VSNL1: variants seen among roughly 807,000 people sequenced by gnomAD.
VSNL1 encodes visinin-like protein 1.
A neutral mutation model predicts 20.4 loss-of-function variants in VSNL1; 6 were observed. The ratio of observed to expected loss-of-function variants is 0.29; its 90% CI spans 0.16 to 0.58. The LOEUF (loss-of-function observed/expected upper bound fraction) is 0.58. VSNL1 is among the 20% of genes least tolerant of loss of function. VSNL1 has a pLI of 0.90. For missense variants in VSNL1, 100 were observed against 234.5 expected (o/e 0.43, Z 3.75); for synonymous variants, 93 against 86.4 (o/e 1.08, Z -0.42).
intron 2 of VSNL1, among the ~76,000 whole-genome samples, chr2:17,613,975 G>C (rs1665152318): frequency 6.6e-6 from 1 of 152,216 alleles, no homozygotes; most frequent in South Asian, 2.1e-4. Context: ...CTTTGAAAGG[G>C]AAGTCCAGGA....
chr2:17,589,589 G>A (rs1246356305), intron 1 of VSNL1, among the ~76,000 whole-genome samples: 1 of 152,166 alleles, frequency 6.6e-6, no homozygotes, highest in Non-Finnish European at 1.5e-5. Context: ...CTGAGTGATG[G>A]TGCAGACCCA....
At chr2:17,550,512 A>G (rs1363132830) in intron 1 of VSNL1, among the ~76,000 whole-genome samples, 2 of 152,238 alleles carry the variant, frequency 1.3e-5, no homozygotes, top group African/African-American at 2.4e-5. Flanking sequence ...AAAAGCAACC[A>G]CAGTCAAGCT....
intron 1 of VSNL1, among the ~76,000 whole-genome samples, chr2:17,574,561 G>C (rs973859106): frequency 6.6e-6 from 1 of 152,170 alleles, no homozygotes; most frequent in African/African-American, 2.4e-5. Flanking sequence ...ATCAAATACA[G>C]TCCATAGAAT....
intron 1 of VSNL1, among the ~76,000 whole-genome samples, chr2:17,551,156 G>C (rs76945743): frequency 0.026 from 3,961 of 152,246 alleles, 81 homozygotes; most frequent in Middle Eastern, 0.048. Context: ...GACTCACAGA[G>C]TGCCAGATTA....
intron 1 of VSNL1, among the ~76,000 whole-genome samples, chr2:17,570,614 A>C (rs1463140516): frequency 6.6e-6 from 1 of 152,248 alleles, no homozygotes; most frequent in Non-Finnish European, 1.5e-5. Context: ...TTTATTAAGC[A>C]TCTCCTATAT....
At chr2:17,558,976 C>A (rs947054793) in intron 1 of VSNL1, among the ~76,000 whole-genome samples, 1 of 152,056 alleles carries the variant, frequency 6.6e-6, no homozygotes, top group Non-Finnish European at 1.5e-5. Flanking sequence ...TAGGCAATCC[C>A]TGACAGGGTG....
At chr2:17,637,470 C>T (rs1327530662) in intron 2 of VSNL1, among the ~76,000 whole-genome samples, 1 of 152,158 alleles carries the variant, frequency 6.6e-6, no homozygotes, top group African/African-American at 2.4e-5. Context: ...CCCACAGCAC[C>T]TCCTGTACGC....
At chr2:17,654,394 G>A (rs1311730186) in intron 3 of VSNL1, among the ~76,000 whole-genome samples, 1 of 151,970 alleles carries the variant, frequency 6.6e-6, no homozygotes, top group Non-Finnish European at 1.5e-5. Flanking sequence ...GGTACAACTG[G>A]CTTGGTTGTC....
chr2:17,626,209 C>T (rs1665504822), intron 2 of VSNL1, among the ~76,000 whole-genome samples: 1 of 152,160 alleles, frequency 6.6e-6, no homozygotes, highest in African/African-American at 2.4e-5. Flanking sequence ...AAACTGGTGC[C>T]CTTGCAGCAC....
At chr2:17,569,655 C>T (rs567316550) in intron 1 of VSNL1, among the ~76,000 whole-genome samples, 24 of 152,250 alleles carry the variant, frequency 1.6e-4, no homozygotes, top group African/African-American at 5.8e-4. Context: ...TTCCAATTTA[C>T]TCTTTCCTCT....
intron 2 of VSNL1, among the ~76,000 whole-genome samples, chr2:17,622,694 A>G (rs918822378): frequency 7.3e-4 from 111 of 152,300 alleles, no homozygotes; most frequent in Middle Eastern, 3.4e-3. Context: ...TGACCAGGAA[A>G]GATTAGGCTC....
chr2:17,613,364 G>GA (rs1449171487), intron 2 of VSNL1, among the ~76,000 whole-genome samples: 1 of 152,110 alleles, frequency 6.6e-6, no homozygotes, highest in Admixed American at 6.5e-5. Context: ...GAAATTCCTG[G>GA]AAAAATATTT....
intron 1 of VSNL1, among the ~76,000 whole-genome samples, chr2:17,560,605 A>G (rs1270047420): frequency 2.0e-5 from 3 of 152,190 alleles, no homozygotes; most frequent in African/African-American, 7.2e-5. Flanking sequence ...ATCTCACATT[A>G]CATAAAATGA....
chr2:17,610,437 A>C (rs943955022), intron 2 of VSNL1, among the ~76,000 whole-genome samples: 26 of 152,022 alleles, frequency 1.7e-4, no homozygotes, highest in Non-Finnish European at 3.7e-4. Flanking sequence ...AAGAAATAAC[A>C]CTCAAGCCAT....
chr2:17,649,315 C>A lies in VSNL1; in HGVS notation c.163-95C>A. 1 of 1,273,176 alleles carries A rather than the reference C, an allele frequency of 7.9e-7. No homozygotes were observed. The highest frequency in any genetic ancestry group is 1.1e-6 in the Non-Finnish European group (1 of 883,162). 78.9% of individuals were successfully genotyped at this position (1,273,176 alleles called of 1,614,324 possible). A position where few individuals can be genotyped will look rare whatever the true frequency, so the allele number is the denominator to read the frequency against. On this transcript the variant is annotated intron_variant, in intron 2 of 3. Coordinates refer to ENST00000295156, the MANE Select transcript of VSNL1 (RefSeq NM_003385.5). The surrounding 1 kb of genome is among the most constrained non-coding windows in gnomAD (Gnocchi z 6.4). ...TCCAATGGGTGAGGCTCCGACAACG[C>A]CCAGGAGCACCTGTGATGCCGTCAT...
At chr2:17,571,319 T>A (rs1664078138) in intron 1 of VSNL1, among the ~76,000 whole-genome samples, 1 of 152,154 alleles carries the variant, frequency 6.6e-6, no homozygotes, top group Non-Finnish European at 1.5e-5. Context: ...TTGTAGCCTT[T>A]AATCTGATTT....
At chr2:17,587,488 C>T (rs78293042) in intron 1 of VSNL1, among the ~76,000 whole-genome samples, 6,409 of 152,202 alleles carry the variant, frequency 0.042, 145 homozygotes, top group East Asian at 0.088. Context: ...GCCCTTTCCA[C>T]ATCCACGAAG....
intron 2 of VSNL1, among the ~76,000 whole-genome samples, chr2:17,644,533 G>T (rs1271511598): frequency 6.6e-6 from 1 of 152,246 alleles, no homozygotes; most frequent in African/African-American, 2.4e-5. Flanking sequence ...TGCAGGGCTG[G>T]TGTGGGAGGA....
chr2:17,550,784 C>T (rs1663515978), intron 1 of VSNL1, among the ~76,000 whole-genome samples: 1 of 152,188 alleles, frequency 6.6e-6, no homozygotes, highest in Admixed American at 6.5e-5. Context: ...ATGGAAATCA[C>T]TTTGCAAGAG....
Sources: allele counts gnomAD v4.1 joint callset (sites outside exome capture counted in the v4.1 genomes callset), GRCh38; gene constraint gnomAD v4.1.1; non-coding constraint Gnocchi (gnomAD v3.1); transcripts MANE v1.5; gene names NCBI Gene and HGNC (gene_info 2026-07-23, HGNC 2026-07-21).